The following UPF3A variants were observed in gnomAD, a reference collection of about 807,000 sequenced individuals.
UPF3A encodes regulator of nonsense transcripts 3A.
In UPF3A, 42 loss-of-function variants were observed where a neutral mutation model predicts 53.5. The observed-to-expected ratio is 0.78, with a 90% CI of 0.61 to 1.01. UPF3A has a LOEUF of 1.01. Ranked by LOEUF, UPF3A falls within the 50% of genes least tolerant of loss-of-function variation. The pLI is 0.00. For missense variants in UPF3A, 575 were observed against 598.0 expected (o/e 0.96, Z 0.40); for synonymous variants, 237 against 225.3 (o/e 1.05, Z -0.47).
rs1011831369 is a variant in UPF3A, at chr13:114,301,936, G to A, written c.1213G>A (p.Gly405Arg). Residue 405 changes from glycine (G) to arginine (R), a missense_variant, in exon 9 of 10, where the codon GGG (glycine) becomes AGG (arginine). By Grantham distance (125) the Gly-to-Arg change is moderately radical. Around this residue, in one of 2 missense-constraint regions of UPF3A, gnomAD observed 323 missense variants for 415.2 expected, o/e 0.78. Transcript: ENST00000375299. ...DRGKKGSQDSGAPGEAMERLG... is the reference protein window; with the variant it reads ...DRGKKGSQDSRAPGEAMERLG... ...AGGGAAGAAGGGGAGCCAGGACAGC[G>A]GGGCTCCGGGGGAGGCCATGGAGAG... 38 of 1,610,784 alleles carry A rather than the reference G, an allele frequency of 2.4e-5. No individual in the cohort carries two copies. Among genetic ancestry groups the A allele is most frequent in the Non-Finnish European group, 3.0e-5 (35 of 1,178,526 alleles).
In UPF3A at chr13:114,298,845, TAAG is replaced by T; in HGVS notation, c.855_857del (p.Lys286del). ...CTAACATTGTAATTTCTCAGCTTCT[TAAG>T]AAACCAGAAAAGGGAGAGGAACCAA... On this transcript the variant is annotated inframe_deletion, in exon 8 of 10. Coordinates refer to ENST00000375299, the MANE Select transcript of UPF3A (RefSeq NM_023011.4). The T allele has an allele frequency of 6.4e-7, 1 of 1,563,742 alleles. No individual in the cohort carries two copies. The highest frequency in any genetic ancestry group is 8.6e-7 in the Non-Finnish European group (1 of 1,160,350).
intron 7 of UPF3A, among the ~76,000 whole-genome samples, chr13:114,293,167 T>C (rs1419495644): frequency 6.6e-6 from 1 of 151,192 alleles, no homozygotes; most frequent in African/African-American, 2.4e-5. Flanking sequence ...GCGGATTACT[T>C]GAGTTCAGGA....
chr13:114,285,270 T>G (rs181289374), intron 3 of UPF3A: 37 of 145,540 alleles, frequency 2.5e-4, no homozygotes, highest in Non-Finnish European at 1.9e-4. Flanking sequence ...ATTTCTGTGC[T>G]CTCTATTTTA....
intron 7 of UPF3A, among the ~76,000 whole-genome samples, chr13:114,296,867 T>A (rs184631320): frequency 2.6e-5 from 4 of 152,278 alleles, no homozygotes; most frequent in Admixed American, 2.6e-4. Flanking sequence ...GCACACAGAA[T>A]ATTTGTTGAA....
intron 3 of UPF3A, chr13:114,285,659 T>TC (rs1337507667): frequency 6.6e-6 from 1 of 152,338 alleles, no homozygotes; most frequent in African/African-American, 2.4e-5. Context: ...TATTTGTTTT[T>TC]CCCCCACATA....
At chr13:114,285,922 C>A in intron 3 of UPF3A, 1 of 182,880 alleles carries the variant, frequency 5.5e-6, no homozygotes, top group Non-Finnish European at 1.1e-5. Flanking sequence ...CTGGGGAGGT[C>A]AGGTATATTG....
intron 7 of UPF3A, among the ~76,000 whole-genome samples, chr13:114,296,403 C>T (rs1048358792): frequency 6.6e-6 from 1 of 152,042 alleles, no homozygotes; most frequent in Non-Finnish European, 1.5e-5. Flanking sequence ...AAAAAATAGA[C>T]GGGCCTTCCG....
chr13:114,302,358 T>G (rs1408115101), intron 9 of UPF3A, among the ~76,000 whole-genome samples: 1 of 152,206 alleles, frequency 6.6e-6, no homozygotes, highest in Non-Finnish European at 1.5e-5. Flanking sequence ...TTCTTCCACA[T>G]TATTAACAAC....
intron 5 of UPF3A, among the ~76,000 whole-genome samples, chr13:114,290,695 C>T (rs928560200): frequency 1.3e-5 from 2 of 151,628 alleles, no homozygotes; most frequent in Non-Finnish European, 2.9e-5. Flanking sequence ...CAATCAGCAG[C>T]GCCATATGGA....
At chr13:114,298,080 T>C (rs1332318247) in intron 7 of UPF3A, among the ~76,000 whole-genome samples, 1 of 151,394 alleles carries the variant, frequency 6.6e-6, no homozygotes. Flanking sequence ...TGAACATAAA[T>C]AGAAGTGGGG....
Position 114,281,737 on chromosome 13 carries a change from T to A in UPF3A, c.98T>A (p.Phe33Tyr). ...AAGCTGTCGGCCCTAGAAGTGCAGT[T>A]CCACCGCGACTCGCAGCAGCAGGAG... ...REKLSALEVQ[F>Y]HRDSQQQEAE... is the part of the protein sequence containing the mutation. Residue 33 changes from phenylalanine (F) to tyrosine (Y), a missense_variant, in exon 1 of 10, where the codon TTC (phenylalanine) becomes TAC (tyrosine). By Grantham distance (22) the Phe-to-Tyr change is conservative. Around this residue, in one of 2 missense-constraint regions of UPF3A, gnomAD observed 252 missense variants for 182.7 expected, o/e 1.38. Transcript: ENST00000375299. 2 of 1,557,634 alleles carry A rather than the reference T, an allele frequency of 1.3e-6. No individual in the cohort carries two copies. The highest frequency in any genetic ancestry group is 1.7e-6 in the Non-Finnish European group (2 of 1,151,904).
chr13:114,284,179 A>G (rs1466491805), intron 3 of UPF3A: 1 of 523,524 alleles, frequency 1.9e-6, no homozygotes, highest in Non-Finnish European at 2.4e-6. Flanking sequence ...CTGAGCAACA[A>G]CGTGAAACCC....
In UPF3A at chr13:114,305,639, C is replaced by G. The variant is rs1297452637; in HGVS notation, c.*722C>G. 1 of 152,468 alleles carries G rather than the reference C, an allele frequency of 6.6e-6. No individual in the cohort carries two copies. The highest frequency in any genetic ancestry group is 1.5e-5 in the Non-Finnish European group (1 of 68,100). The allele number at this position is 152,468 out of a possible 1,614,324, so 9.4% of individuals were successfully genotyped here. A position where few individuals can be genotyped will look rare whatever the true frequency, so the allele number is the denominator to read the frequency against. The stretch of plus-strand genomic sequence containing the variant: ...TCGGGAAGGGATAAACTAGATATAG[C>G]ATACAGAGCCTGTTTTTGAGTTTTA... On this transcript the variant is annotated 3_prime_UTR_variant, in exon 10 of 10. Coordinates refer to ENST00000375299, the MANE Select transcript of UPF3A (RefSeq NM_023011.4).
At chr13:114,303,194 C>T (rs74116888) in intron 9 of UPF3A, among the ~76,000 whole-genome samples, 4,287 of 152,266 alleles carry the variant, frequency 0.028, 211 homozygotes, top group African/African-American at 0.098. Flanking sequence ...TACTCCAGTT[C>T]TCTGGGGTTG....
At position 114,305,180 on chromosome 13, in the gene UPF3A, C is replaced by A. The variant is rs1459998941; in HGVS notation, c.*263C>A. ...TAGCCAAAACAGAAAATGATTTCCA[C>A]TGGACAGTAGAAAAATATGTGTAAA... On this transcript the variant is annotated 3_prime_UTR_variant, in exon 10 of 10. Transcript: ENST00000375299. 2.5e-6 allele frequency: 1 copy of A among 407,536 alleles called. No homozygotes were observed. The highest frequency in any genetic ancestry group is 2.1e-5 in the African/African-American group (1 of 48,330). The allele number at this position is 407,536 out of a possible 1,614,324, so 25.2% of individuals were successfully genotyped here. A position where few individuals can be genotyped will look rare whatever the true frequency, so the allele number is the denominator to read the frequency against.
intron 2 of UPF3A, chr13:114,282,387 G>A (rs2084176133): frequency 1.6e-6 from 2 of 1,213,154 alleles, no homozygotes; most frequent in African/African-American, 1.6e-5. Context: ...GCCTTTGAAA[G>A]GACCAGCGTT....
At chr13:114,282,259 A>G (rs759624194) in intron 2 of UPF3A, 132 bp downstream of exon 2, 11 of 854,826 alleles carry the variant, frequency 1.3e-5, no homozygotes, top group Non-Finnish European at 1.7e-5. Flanking sequence ...GAATAAATAC[A>G]TTTCAGTAAA....
At position 114,304,650 on chromosome 13, in the gene UPF3A, G is replaced by GA. The variant is rs1430244402; in HGVS notation, c.1303-133dup. On this transcript the variant is annotated intron_variant, in intron 9 of 9. Transcript: ENST00000375299. ...TGCCTGGTTTCTGAGATAGTGCTGT[G>GA]AAAAAAGGGCTGATTTTTAGCTGCC... 1.1e-5 allele frequency: 13 copies of GA among 1,237,080 alleles called. No homozygotes were observed. The South Asian group carries it at 1.6e-4, about 15-fold the overall frequency. 76.6% of individuals were successfully genotyped at this position (1,237,080 alleles called of 1,614,324 possible). A position where few individuals can be genotyped will look rare whatever the true frequency, so the allele number is the denominator to read the frequency against.
At chr13:114,282,702 T>TA (rs2084232610) in intron 2 of UPF3A, 135 bp from the exon 3 acceptor site, 2 of 1,484,328 alleles carry the variant, frequency 1.3e-6, no homozygotes, top group East Asian at 5.0e-5. Flanking sequence ...TCCAAGTTGT[T>TA]ACAATTAACT....
Sources: allele counts gnomAD v4.1 joint callset (sites outside exome capture counted in the v4.1 genomes callset), GRCh38; gene constraint gnomAD v4.1.1; regional missense constraint gnomAD v4.1.1; transcripts MANE v1.5; gene names NCBI Gene and HGNC (gene_info 2026-07-23, HGNC 2026-07-21).